ABCA13: variants seen among roughly 807,000 people sequenced by gnomAD.
The protein encoded by ABCA13 is ATP-binding cassette sub-family A member 13.
Under a neutral mutation model 478.7 loss-of-function variants are expected in ABCA13, and 476 were observed. The ratio of observed to expected loss-of-function variants is 0.99; its 90% CI spans 0.92 to 1.07. The LOEUF (loss-of-function observed/expected upper bound fraction) is 1.07, where lower values mean the gene tolerates loss of function less well. Among genes scored for constraint, ABCA13 ranks in the 50% least tolerant of loss-of-function variants. ABCA13 has a pLI of 0.00. For synonymous variants in ABCA13, 2,252 were observed against 2,158.9 expected, an observed-to-expected ratio of 1.04 and a Z score of -1.20; for missense variants, 6,060 against 5,910.6, an observed-to-expected ratio of 1.03 and a Z score of -0.83.
chr7:48,550,408 C>T (rs145031455), intron 55 of ABCA13, among the ~76,000 whole-genome samples: 4,230 of 151,630 alleles, frequency 0.028, 136 homozygotes, highest in East Asian at 0.079. Context: ...CAGGCGCCTG[C>T]CACCATACCT....
At chr7:48,237,287 A>G (rs1279514005) in intron 8 of ABCA13, among the ~76,000 whole-genome samples, 3 of 152,084 alleles carry the variant, frequency 2.0e-5, no homozygotes, top group African/African-American at 4.8e-5. Flanking sequence ...TCATTTAGCT[A>G]CACCTACATT....
intron 50 of ABCA13, among the ~76,000 whole-genome samples, chr7:48,509,961 A>G (rs997134428): frequency 7.9e-5 from 12 of 152,200 alleles, no homozygotes; most frequent in African/African-American, 2.9e-4. Flanking sequence ...CGAATCTGCC[A>G]GCACCTTGAT....
At chr7:48,571,757 C>A (rs1454202709) in intron 55 of ABCA13, among the ~76,000 whole-genome samples, 2 of 152,106 alleles carry the variant, frequency 1.3e-5, no homozygotes, top group Non-Finnish European at 2.9e-5. Context: ...TTCTTTCAAT[C>A]TTTATAACTT....
intron 9 of ABCA13, among the ~76,000 whole-genome samples, chr7:48,240,065 G>A (rs912294648): frequency 2.6e-5 from 4 of 152,174 alleles, no homozygotes; most frequent in Non-Finnish European, 4.4e-5. Context: ...AGGCTTTGCC[G>A]TCTCTGTCTC....
chr7:48,367,982 T>A lies in ABCA13; in HGVS notation c.10803+74T>A, dbSNP rs183822214. On this transcript the variant is annotated intron_variant, in intron 32 of 61. Coordinates refer to ENST00000435803, the MANE Select transcript of ABCA13 (RefSeq NM_152701.5). ...GACTTTGGAAATGGATCTTGTCCCA[T>A]AACCAACCTGAGCCTCTCTGTTTTG... 1.0e-4 allele frequency: 121 copies of A among 1,166,140 alleles called. No homozygotes were observed. In the African/African-American group the frequency reaches 1.6e-3, roughly 16 times the overall value. The allele number at this position is 1,166,140 out of a possible 1,614,324, so 72.2% of individuals were successfully genotyped here. A position where few individuals can be genotyped will look rare whatever the true frequency, so the allele number is the denominator to read the frequency against.
intron 1 of ABCA13, among the ~76,000 whole-genome samples, chr7:48,188,354 A>T (rs896476383): frequency 4.6e-5 from 7 of 152,006 alleles, no homozygotes; most frequent in African/African-American, 1.7e-4. Context: ...TTCCTTGTTT[A>T]TTTGATCATT....
rs116431744 is a variant in ABCA13 at position 48,620,979 on chromosome 7, G to T, written c.14837+5602G>T. 2.7e-3 allele frequency among the ~76,000 whole-genome samples: 407 copies of T among 152,268 alleles called. 2 individuals carry two copies. The highest frequency in any genetic ancestry group is 6.9e-3 in the African/African-American group (285 of 41,580). ...GAGATGTATGAAGTCATAGTGGAAA[G>T]CCAGAGGTCCTGAGAGGAGCTGCAA... is the stretch of plus-strand genomic sequence containing the variant. On this transcript the variant is annotated intron_variant, in intron 59 of 61. Coordinates refer to ENST00000435803, the MANE Select transcript of ABCA13 (RefSeq NM_152701.5).
At position 48,272,695 on chromosome 7, in the gene ABCA13, C is replaced by G. The variant is rs377050338; in HGVS notation, c.3029C>G (p.Ala1010Gly). The G allele has an allele frequency of 6.2e-7, 1 of 1,611,994 alleles. No homozygotes were observed. Among genetic ancestry groups the G allele is most frequent in the Admixed American group, 1.7e-5 (1 of 59,746 alleles). ...KQFNFQNISKAFAFLFKTAEV... is the reference protein window; with the variant it reads ...KQFNFQNISKGFAFLFKTAEV... ...TTTAATTTCCAAAACATCAGTAAAG[C>G]ATTTGCATTTTTATTTAAGACAGCA... The change falls in exon 17 of 62, where the codon GCA (alanine) becomes GGA (glycine). Residue 1010 changes from alanine (A) to glycine (G), a missense_variant. Coordinates refer to ENST00000435803, the MANE Select transcript of ABCA13 (RefSeq NM_152701.5).
intron 39 of ABCA13, among the ~76,000 whole-genome samples, chr7:48,406,281 T>G (rs770057868): frequency 1.3e-5 from 2 of 152,196 alleles, no homozygotes; most frequent in Non-Finnish European, 2.9e-5. Flanking sequence ...TTCTGGGGTA[T>G]GCACTTGCTC....
intron 50 of ABCA13, among the ~76,000 whole-genome samples, chr7:48,508,612 T>C (rs911326265): frequency 6.6e-6 from 1 of 152,240 alleles, no homozygotes; most frequent in Non-Finnish European, 1.5e-5. Flanking sequence ...TCTTATATGA[T>C]AAGTTGTTCT....
chr7:48,380,939 A>G (rs576178696), intron 35 of ABCA13, among the ~76,000 whole-genome samples: 5 of 152,304 alleles, frequency 3.3e-5, no homozygotes, highest in Admixed American at 3.3e-4. Flanking sequence ...AGGGCAAGGT[A>G]CCAGCCAACT....
intron 45 of ABCA13, among the ~76,000 whole-genome samples, chr7:48,473,527 T>G (rs758404625): frequency 7.2e-5 from 11 of 152,184 alleles, no homozygotes; most frequent in Non-Finnish European, 1.0e-4. Context: ...CCTAGCCAGT[T>G]TCTTCCTTCC....
At chr7:48,522,847 G>A (rs1832648970) in intron 53 of ABCA13, among the ~76,000 whole-genome samples, 2 of 152,228 alleles carry the variant, frequency 1.3e-5, no homozygotes, top group South Asian at 4.1e-4. Context: ...GAATGAGCAA[G>A]CTGATGTGGG....
intron 2 of ABCA13, among the ~76,000 whole-genome samples, chr7:48,195,900 A>G (rs1006467591): frequency 2.0e-5 from 3 of 152,122 alleles, no homozygotes; most frequent in Non-Finnish European, 4.4e-5. Flanking sequence ...TCTCCAGGGC[A>G]GTTCAGTAGA....
chr7:48,286,490 T>TCCTC (rs1797764461), intron 19 of ABCA13, among the ~76,000 whole-genome samples: 1 of 23,478 alleles, frequency 4.3e-5, no homozygotes, highest in Non-Finnish European at 6.9e-5. Flanking sequence ...TTTTTTCCCT[T>TCCTC]CCTTCCTTCC....
chr7:48,394,815 A>G (rs918717585), intron 38 of ABCA13, among the ~76,000 whole-genome samples: 3 of 152,164 alleles, frequency 2.0e-5, no homozygotes, highest in East Asian at 1.9e-4. Flanking sequence ...ACTGCACCAT[A>G]TTTGTTTTAT....
chr7:48,513,955 G>A (rs1831911267), intron 51 of ABCA13, among the ~76,000 whole-genome samples: 1 of 152,088 alleles, frequency 6.6e-6, no homozygotes, highest in Admixed American at 6.6e-5. Flanking sequence ...CAATGTCTCT[G>A]ATTCTTTGTT....
At chr7:48,299,980 C>T (rs556571743) in intron 23 of ABCA13, among the ~76,000 whole-genome samples, 5 of 152,254 alleles carry the variant, frequency 3.3e-5, no homozygotes, top group Non-Finnish European at 5.9e-5. Context: ...TGCATTCTTG[C>T]GTTTCAAATA....
intron 55 of ABCA13, among the ~76,000 whole-genome samples, chr7:48,540,048 A>C (rs190888556): frequency 6.6e-6 from 1 of 152,274 alleles, no homozygotes; most frequent in East Asian, 1.9e-4. Flanking sequence ...GGTATGTGTA[A>C]AGAGAGTTGT....
Sources: allele counts gnomAD v4.1 joint callset (sites outside exome capture counted in the v4.1 genomes callset), GRCh38; gene constraint gnomAD v4.1.1; transcripts MANE v1.5; gene names NCBI Gene and HGNC (gene_info 2026-07-23, HGNC 2026-07-21).